The following CAMTA1 variants were observed in gnomAD, a reference collection of about 807,000 sequenced individuals.
CAMTA1 encodes calmodulin binding transcription activator 1.
Under a neutral mutation model 170.9 loss-of-function variants are expected in CAMTA1, and 27 were observed. That is an observed-to-expected ratio of 0.16 (90% CI 0.12 to 0.22). The LOEUF (loss-of-function observed/expected upper bound fraction) is 0.22, where lower values mean the gene tolerates loss of function less well. CAMTA1 is among the 10% of genes least tolerant of loss of function. The pLI, the probability that CAMTA1 is intolerant of heterozygous loss-of-function variation, is 1.00. For synonymous variants in CAMTA1, 833 were observed against 891.5 expected, an observed-to-expected ratio of 0.93 and a Z score of 1.17; for missense variants, 1,619 against 2,217.2, an observed-to-expected ratio of 0.73 and a Z score of 5.42.
At chr1:6,891,954 G>T (rs1364960123) in intron 3 of CAMTA1, among the ~76,000 whole-genome samples, 1 of 152,104 alleles carries the variant, frequency 6.6e-6, no homozygotes, top group Non-Finnish European at 1.5e-5. Flanking sequence ...CCAAGGAGTG[G>T]CCTGGTGAGA....
At chr1:7,671,077 T>G in intron 10 of CAMTA1, 40 bp downstream of exon 10, 2 of 1,606,924 alleles carry the variant, frequency 1.2e-6, no homozygotes, top group Non-Finnish European at 8.5e-7. Context: ...GTGAGTGTGA[T>G]GGCCTGAGGA....
At position 7,044,778 on chromosome 1, in the gene CAMTA1, C is replaced by T. The variant is rs570161437; in HGVS notation, c.235-46526C>T. On this transcript the variant is annotated intron_variant, in intron 3 of 22. Coordinates refer to ENST00000303635, the MANE Select transcript of CAMTA1 (RefSeq NM_015215.4). This position sits in a 1 kb window ranked among gnomAD's most constrained non-coding sequence, Gnocchi z 5.0. ...GCAGTCCTCCTGCCCCCCTGCCTGG[C>T]GCATCTTTCCCCCTCACGTCCTCTC... Among the ~76,000 whole-genome samples the T allele has an allele frequency of 1.3e-5, 2 of 151,512 alleles. No homozygotes were observed. Among genetic ancestry groups the T allele is most frequent in the South Asian group, 4.2e-4 (2 of 4,748 alleles).
In CAMTA1 at chr1:7,435,348, C is replaced by A. The variant is rs1394714631; in HGVS notation, c.439-32482C>A. Among the ~76,000 whole-genome samples, 1 of 152,202 alleles carries A rather than the reference C, an allele frequency of 6.6e-6. No homozygotes were observed. Among genetic ancestry groups the A allele is most frequent in the Non-Finnish European group, 1.5e-5 (1 of 68,044 alleles). On this transcript the variant is annotated intron_variant, in intron 5 of 22. Coordinates refer to ENST00000303635, the MANE Select transcript of CAMTA1 (RefSeq NM_015215.4). This position sits in a 1 kb window ranked among gnomAD's most constrained non-coding sequence, Gnocchi z 4.4. ...GCATGAACTCAGGCCAGAATCCCAT[C>A]ATTCTAAAGCCCAGAATCCCAGAAC...
intron 5 of CAMTA1, among the ~76,000 whole-genome samples, chr1:7,312,479 G>A (rs536790121): frequency 4.6e-5 from 7 of 152,136 alleles, no homozygotes; most frequent in East Asian, 1.9e-4. Flanking sequence ...TAGGAAGCTC[G>A]TGGCTCTTTC....
chr1:7,296,189 C>T (rs906517515), intron 5 of CAMTA1, among the ~76,000 whole-genome samples: 3 of 152,178 alleles, frequency 2.0e-5, no homozygotes, highest in African/African-American at 7.2e-5. Context: ...GTGAACACGC[C>T]AGGGACCTTG....
chr1:7,436,160 A>C (rs2092340909), intron 5 of CAMTA1, among the ~76,000 whole-genome samples: 1 of 152,226 alleles, frequency 6.6e-6, no homozygotes, highest in South Asian at 2.1e-4. Flanking sequence ...CGGGGCTGCC[A>C]GGGAGCTCTC....
chr1:7,331,145 A>G (rs2083006637), intron 5 of CAMTA1, among the ~76,000 whole-genome samples: 1 of 152,190 alleles, frequency 6.6e-6, no homozygotes, highest in South Asian at 2.1e-4. Context: ...AGGCTGAGGT[A>G]GGAGAATTGC....
intron 6 of CAMTA1, among the ~76,000 whole-genome samples, chr1:7,543,725 A>G (rs942522930): frequency 7.9e-5 from 12 of 152,146 alleles, no homozygotes; most frequent in Admixed American, 7.9e-4. Context: ...TTTAGAAATA[A>G]CTCCAAGAAC....
At chr1:7,021,915 C>T (rs893158136) in intron 3 of CAMTA1, among the ~76,000 whole-genome samples, 9 of 152,260 alleles carry the variant, frequency 5.9e-5, no homozygotes, top group East Asian at 1.9e-4. Flanking sequence ...CAACAGCCAC[C>T]GCCGTTCAGT....
intron 6 of CAMTA1, among the ~76,000 whole-genome samples, chr1:7,528,934 G>A (rs895122323): frequency 1.3e-5 from 2 of 152,150 alleles, no homozygotes; most frequent in African/African-American, 2.4e-5. Flanking sequence ...CCCCTGTGTA[G>A]GGTAGAAACT....
intron 9 of CAMTA1, among the ~76,000 whole-genome samples, chr1:7,667,164 C>T (rs1044269996): frequency 6.6e-6 from 1 of 152,084 alleles, no homozygotes; most frequent in Non-Finnish European, 1.5e-5. Flanking sequence ...GCTGGGATTT[C>T]GGGCATGAGC....
At chr1:7,011,859 G>A (rs1233036837) in intron 3 of CAMTA1, among the ~76,000 whole-genome samples, 6 of 152,028 alleles carry the variant, frequency 3.9e-5, no homozygotes, top group South Asian at 2.1e-4. Context: ...CAGTAGTTCC[G>A]ATACCTCCAA....
intron 3 of CAMTA1, among the ~76,000 whole-genome samples, chr1:7,022,793 A>G (rs1323009964): frequency 1.3e-5 from 2 of 152,222 alleles, no homozygotes; most frequent in Non-Finnish European, 2.9e-5. Context: ...CAAGATGCCA[A>G]CTATGCATAT....
At chr1:7,318,579 T>C (rs1478613097) in intron 5 of CAMTA1, among the ~76,000 whole-genome samples, 1 of 152,346 alleles carries the variant, frequency 6.6e-6, no homozygotes, top group African/African-American at 2.4e-5. Context: ...TCTGACTGTA[T>C]GAAAGGGGTT....
chr1:7,409,187 C>G (rs1383854761), intron 5 of CAMTA1, among the ~76,000 whole-genome samples: 1 of 152,212 alleles, frequency 6.6e-6, no homozygotes, highest in East Asian at 1.9e-4. Context: ...TCAGGGCATG[C>G]AGGCTGGACT....
chr1:7,566,400 A>T (rs1425624278), intron 6 of CAMTA1, among the ~76,000 whole-genome samples: 1 of 152,214 alleles, frequency 6.6e-6, no homozygotes, highest in Non-Finnish European at 1.5e-5. Flanking sequence ...TACTCGTAAT[A>T]AACATTTATT....
At chr1:7,483,737 G>A (rs556330466) in intron 6 of CAMTA1, among the ~76,000 whole-genome samples, 1 of 152,272 alleles carries the variant, frequency 6.6e-6, no homozygotes, top group South Asian at 2.1e-4. Flanking sequence ...CCACCCTGGG[G>A]AGGGAAACCT....
At chr1:7,336,595 C>T (rs1051408723) in intron 5 of CAMTA1, among the ~76,000 whole-genome samples, 1 of 152,158 alleles carries the variant, frequency 6.6e-6, no homozygotes, top group Admixed American at 6.5e-5. Context: ...AGGGAAGAGG[C>T]ACAGGGCTTG....
At chr1:7,277,254 G>A (rs1203795553) in intron 5 of CAMTA1, among the ~76,000 whole-genome samples, 3 of 152,082 alleles carry the variant, frequency 2.0e-5, no homozygotes, top group Admixed American at 2.0e-4. Context: ...ACCAAGAATA[G>A]CTAAAAGGAT....
Sources: gnomAD v4.1 joint callset for allele counts (sites outside exome capture counted in the v4.1 genomes callset) on GRCh38, gnomAD v4.1.1 for gene constraint, Gnocchi (gnomAD v3.1) non-coding constraint, MANE v1.5 for transcripts, NCBI Gene and HGNC (gene_info 2026-07-23, HGNC 2026-07-21) for gene names.